The following PARD6G variants were observed in gnomAD, a reference collection of about 807,000 sequenced individuals.
The protein encoded by PARD6G is partitioning defective 6 homolog gamma.
Under a neutral mutation model 10.7 loss-of-function variants are expected in PARD6G, and 7 were observed. The observed-to-expected ratio is 0.66, with a 90% CI of 0.37 to 1.23. The LOEUF (loss-of-function observed/expected upper bound fraction) is 1.23, where lower values mean the gene tolerates loss of function less well. Ranked by LOEUF, PARD6G falls within the 50% of genes most tolerant of loss-of-function variation. The pLI is 0.02. For synonymous variants in PARD6G, 287 were observed against 269.4 expected (o/e 1.07, Z -0.64); for missense variants, 548 against 571.8 (o/e 0.96, Z 0.42).
chr18:80,179,524 C>G (rs1006323100), intron 2 of PARD6G, among the ~76,000 whole-genome samples: 2 of 152,234 alleles, frequency 1.3e-5, no homozygotes, highest in African/African-American at 4.8e-5. Context: ...TCCCCCCACC[C>G]AGGAGGCTTG....
intron 1 of PARD6G, among the ~76,000 whole-genome samples, chr18:80,240,495 G>A (rs950161751): frequency 1.3e-5 from 2 of 152,138 alleles, no homozygotes; most frequent in African/African-American, 4.8e-5. Flanking sequence ...CACCTCCAAT[G>A]CTGAGCTCTT....
intron 2 of PARD6G, among the ~76,000 whole-genome samples, chr18:80,177,714 C>G (rs899987881): frequency 6.6e-6 from 1 of 151,264 alleles, no homozygotes; most frequent in Non-Finnish European, 1.5e-5. Context: ...CACATATACA[C>G]GCAAACACGC....
At chr18:80,222,755 C>T (rs189489908) in intron 1 of PARD6G, among the ~76,000 whole-genome samples, 19 of 152,308 alleles carry the variant, frequency 1.2e-4, no homozygotes, top group African/African-American at 4.1e-4. Flanking sequence ...CTCACTAAAA[C>T]GTCCATCTCC....
chr18:80,179,097 C>A (rs1226685764), intron 2 of PARD6G, among the ~76,000 whole-genome samples: 1 of 152,184 alleles, frequency 6.6e-6, no homozygotes, highest in Non-Finnish European at 1.5e-5. Flanking sequence ...TGGGAACTCA[C>A]TGCCCCCGAC....
At chr18:80,167,315 C>T (rs2052743285) in intron 2 of PARD6G, among the ~76,000 whole-genome samples, 2 of 147,350 alleles carry the variant, frequency 1.4e-5, no homozygotes, top group African/African-American at 4.9e-5. Flanking sequence ...GACCCGTGTG[C>T]AGGATAACAC....
intron 1 of PARD6G, among the ~76,000 whole-genome samples, chr18:80,219,521 T>C (rs1300041602): frequency 1.3e-5 from 2 of 152,192 alleles, no homozygotes; most frequent in East Asian, 1.9e-4. Context: ...GGGTTTCTTT[T>C]TATCACATCA....
At chr18:80,178,527 C>CA (rs1178243953) in intron 2 of PARD6G, 1 of 152,396 alleles carries the variant, frequency 6.6e-6, no homozygotes, top group Non-Finnish European at 1.5e-5. Context: ...CATCTTCCCT[C>CA]AAGCGCATTT....
chr18:80,177,728 C>A (rs1264223428), intron 2 of PARD6G, among the ~76,000 whole-genome samples: 1 of 151,216 alleles, frequency 6.6e-6, no homozygotes, highest in Non-Finnish European at 1.5e-5. Flanking sequence ...AACACGCACA[C>A]AGGATAAATC....
intron 1 of PARD6G, among the ~76,000 whole-genome samples, chr18:80,212,269 CCTTGTTCCCTGA>C (rs1490652773): frequency 3.3e-5 from 5 of 152,142 alleles, no homozygotes; most frequent in Admixed American, 3.3e-4. Flanking sequence ...TTGGTTCCTG[CCTTGTTCCCTGA>C]GCTGCTGGGA....
rs1342807916 is a variant in PARD6G at position 80,158,205 on chromosome 18, T to C, written c.*1566A>G. 6.6e-6 allele frequency: 1 copy of C among 152,224 alleles called. No individual in the cohort carries two copies. The highest frequency in any genetic ancestry group is 1.5e-5 in the Non-Finnish European group (1 of 68,044). The allele number at this position is 152,224 out of a possible 1,614,324, so 9.4% of individuals were successfully genotyped here. ...AATCACTAAGTTCCACGTGACTTCT[T>C]ATAGTTAAAAGTGAGAACTGCCAGT... On this transcript the variant is annotated 3_prime_UTR_variant, in exon 3 of 3. Coordinates refer to ENST00000353265, the MANE Select transcript of PARD6G (RefSeq NM_032510.4).
intron 1 of PARD6G, among the ~76,000 whole-genome samples, chr18:80,239,688 T>C (rs1258686213): frequency 6.6e-6 from 1 of 152,194 alleles, no homozygotes; most frequent in Non-Finnish European, 1.5e-5. Context: ...CAGAAATAGC[T>C]ATGTGGGCTT....
In PARD6G at chr18:80,160,102, C is replaced by G. The variant is rs749385551; in HGVS notation, c.800G>C (p.Gly267Ala). The G allele has an allele frequency of 1.2e-6, 2 of 1,607,208 alleles. No individual in the cohort carries two copies. Among genetic ancestry groups the G allele is most frequent in the Non-Finnish European group, 1.7e-6 (2 of 1,177,320 alleles). Reference protein sequence around the residue: ...VRGGRALGSSGPPSDGTAGFV... With the variant: ...VRGGRALGSSAPPSDGTAGFV... ...GCCCGCGGTGCCGTCCGAGGGCGGTCCCGAGCTGCCCAACGCGCGGCCGCC... is the reference window on the plus strand; with the variant it reads ...GCCCGCGGTGCCGTCCGAGGGCGGTGCCGAGCTGCCCAACGCGCGGCCGCC... The change falls in exon 3 of 3, where the codon GGA (glycine) becomes GCA (alanine). Residue 267 changes from glycine to alanine, a missense_variant. Around this residue, in one of 2 missense-constraint regions of PARD6G, gnomAD observed 313 missense variants for 279.9 expected, o/e 1.12. Transcript: ENST00000353265.
At chr18:80,222,181 C>T (rs984070204) in intron 1 of PARD6G, among the ~76,000 whole-genome samples, 2 of 152,132 alleles carry the variant, frequency 1.3e-5, no homozygotes, top group East Asian at 1.9e-4. Context: ...ACCTCCTGGG[C>T]TCAAGTGATC....
intron 2 of PARD6G, among the ~76,000 whole-genome samples, chr18:80,174,843 A>G (rs2052799198): frequency 6.6e-6 from 1 of 151,962 alleles, no homozygotes; most frequent in Non-Finnish European, 1.5e-5. Flanking sequence ...AGTCCCAGCT[A>G]CTCGAGAGGC....
intron 2 of PARD6G, among the ~76,000 whole-genome samples, chr18:80,185,858 C>T (rs2052872245): frequency 7.4e-6 from 1 of 134,520 alleles, no homozygotes; most frequent in African/African-American, 2.8e-5. Flanking sequence ...ACACAGGCAC[C>T]CTCTCGCATA....
intron 2 of PARD6G, among the ~76,000 whole-genome samples, chr18:80,174,621 A>G (rs1461471988): frequency 1.3e-5 from 2 of 152,190 alleles, no homozygotes; most frequent in Non-Finnish European, 2.9e-5. Flanking sequence ...ATGCAGGAGG[A>G]TAACCTCCCA....
In PARD6G at chr18:80,182,607, T is replaced by C. The variant is rs1189733897; in HGVS notation, c.295+20103A>G. On this transcript the variant is annotated intron_variant, in intron 2 of 2. Transcript: ENST00000353265. This position sits in a 1 kb window ranked among gnomAD's most constrained non-coding sequence, Gnocchi z 4.5. ...GGTAGTGTTTTTGGCCAATTTGTTC[T>C]GAGAACAAATACAAAACTGCATAAA... Among the ~76,000 whole-genome samples the C allele has an allele frequency of 6.6e-6, 1 of 152,186 alleles. No homozygotes were observed. The highest frequency in any genetic ancestry group is 1.5e-5 in the Non-Finnish European group (1 of 68,036).
chr18:80,243,458 G>A (rs879713239), intron 1 of PARD6G, among the ~76,000 whole-genome samples: 1 of 152,178 alleles, frequency 6.6e-6, no homozygotes, highest in Non-Finnish European at 1.5e-5. Flanking sequence ...TTGGACAGGA[G>A]AGCTACCAAT....
intron 2 of PARD6G, among the ~76,000 whole-genome samples, chr18:80,173,300 A>G (rs1327367949): frequency 6.6e-6 from 1 of 152,166 alleles, no homozygotes; most frequent in Non-Finnish European, 1.5e-5. Flanking sequence ...GGCAGGGGTC[A>G]CAGCTGGATA....
Sources: allele counts gnomAD v4.1 joint callset (sites outside exome capture counted in the v4.1 genomes callset), GRCh38; gene constraint gnomAD v4.1.1; regional missense constraint gnomAD v4.1.1; non-coding constraint Gnocchi (gnomAD v3.1); transcripts MANE v1.5; gene names NCBI Gene and HGNC (gene_info 2026-07-23, HGNC 2026-07-21).